Variants in AGBL1 observed in about 807,000 individuals in gnomAD.
AGBL1 encodes the protein AGBL carboxypeptidase 1.
In AGBL1, 130 loss-of-function variants were observed where a neutral mutation model predicts 118.9. The ratio of observed to expected loss-of-function variants is 1.09; its 90% CI spans 0.95 to 1.26. The LOEUF (loss-of-function observed/expected upper bound fraction) is 1.26, where lower values mean the gene tolerates loss of function less well. Among genes scored for constraint, AGBL1 ranks in the 50% most tolerant of loss-of-function variants. AGBL1 has a pLI of 0.00. For missense variants in AGBL1, 1,584 were observed against 1,298.1 expected (o/e 1.22, Z -3.38); for synonymous variants, 555 against 478.9 (o/e 1.16, Z -2.08).
chr15:86,721,550 T>A (rs781297538), intron 22 of AGBL1, among the ~76,000 whole-genome samples: 2 of 152,318 alleles, frequency 1.3e-5, no homozygotes, highest in East Asian at 3.9e-4. Context: ...GCCAATATCA[T>A]ACTGAATGGG....
chr15:86,313,243 G>A (rs1463230559), intron 17 of AGBL1, among the ~76,000 whole-genome samples: 1 of 152,006 alleles, frequency 6.6e-6, no homozygotes, highest in Non-Finnish European at 1.5e-5. Flanking sequence ...AAAATGGAGG[G>A]TTGTAAGTGA....
chr15:86,843,515 GT>G (rs66576960), intron 22 of AGBL1, among the ~76,000 whole-genome samples: 119,117 of 151,528 alleles, frequency 0.79, 47,185 homozygotes, highest in East Asian at 0.98. Context: ...TCAAGACCCC[GT>G]TTTTTTTTGT....
intron 18 of AGBL1, among the ~76,000 whole-genome samples, chr15:86,483,642 A>T (rs750995281): frequency 1.3e-5 from 2 of 152,088 alleles, no homozygotes; most frequent in Non-Finnish European, 2.9e-5. Flanking sequence ...GGAAAAGTTG[A>T]TGATTACTTA....
chr15:86,447,765 A>G (rs536547949), intron 18 of AGBL1, among the ~76,000 whole-genome samples: 2 of 152,334 alleles, frequency 1.3e-5, no homozygotes, highest in Admixed American at 6.5e-5. Flanking sequence ...TCTGGAGTTG[A>G]GAAGGCCAGT....
At chr15:86,861,618 C>G (rs190444322) in intron 22 of AGBL1, among the ~76,000 whole-genome samples, 198 of 152,274 alleles carry the variant, frequency 1.3e-3, no homozygotes, top group African/African-American at 4.5e-3. Context: ...ATGATGTTAT[C>G]TACTTCACAG....
At chr15:86,710,902 G>A (rs899147263) in intron 22 of AGBL1, among the ~76,000 whole-genome samples, 3 of 152,088 alleles carry the variant, frequency 2.0e-5, no homozygotes, top group Non-Finnish European at 2.9e-5. Flanking sequence ...TCAAATTTTG[G>A]ATCTATAAAA....
At chr15:86,584,890 C>A (rs146919013) in intron 21 of AGBL1, among the ~76,000 whole-genome samples, 8 of 151,940 alleles carry the variant, frequency 5.3e-5, no homozygotes, top group Admixed American at 3.9e-4. Flanking sequence ...CTTATAGAGA[C>A]CTTTGACTTC....
At chr15:86,447,441 G>A (rs901504571) in intron 18 of AGBL1, among the ~76,000 whole-genome samples, 1 of 152,214 alleles carries the variant, frequency 6.6e-6, no homozygotes, top group African/African-American at 2.4e-5. Flanking sequence ...AAAGCAGAGA[G>A]GAGAGATGGA....
At chr15:86,359,356 C>G (rs1012696448) in intron 17 of AGBL1, among the ~76,000 whole-genome samples, 1 of 133,646 alleles carries the variant, frequency 7.5e-6, no homozygotes, top group Non-Finnish European at 1.6e-5. Flanking sequence ...TCTGGGCTCT[C>G]TGTTGTATTC....
intron 16 of AGBL1, among the ~76,000 whole-genome samples, chr15:86,284,197 A>T (rs892752744): frequency 6.6e-5 from 10 of 151,186 alleles, no homozygotes; most frequent in African/African-American, 1.9e-4. Context: ...AAAATAAAAA[A>T]AAAAAAACAA....
chr15:87,029,330 A>G (rs1380408509), downstream of AGBL1, among the ~76,000 whole-genome samples: 7 of 151,842 alleles, frequency 4.6e-5, no homozygotes, highest in Non-Finnish European at 1.0e-4. Context: ...CACTTTCTGG[A>G]ACATCCATCA....
chr15:86,566,246 T>A (rs1430154554), intron 21 of AGBL1, among the ~76,000 whole-genome samples: 2 of 152,238 alleles, frequency 1.3e-5, no homozygotes, highest in Non-Finnish European at 2.9e-5. Context: ...AGACTGGAGC[T>A]GTTCCTGTTT....
chr15:86,156,684 T>C (rs1197619117), intron 4 of AGBL1, among the ~76,000 whole-genome samples: 1 of 152,198 alleles, frequency 6.6e-6, no homozygotes, highest in Non-Finnish European at 1.5e-5. Flanking sequence ...TTTGAAATAG[T>C]AGAATGAGTA....
chr15:86,084,383 C>T (rs1567043664), intron 1 of AGBL1, among the ~76,000 whole-genome samples: 1 of 152,190 alleles, frequency 6.6e-6, no homozygotes, highest in East Asian at 1.9e-4. Context: ...TTTACCTCCA[C>T]TACTTAACTT....
chr15:86,113,257 C>CT (rs150495748), intron 1 of AGBL1, among the ~76,000 whole-genome samples: 729 of 39,050 alleles, frequency 0.019, 2 homozygotes, highest in East Asian at 0.037. Context: ...CTTTTCTTTT[C>CT]TTTCTTTCTT....
intron 5 of AGBL1, among the ~76,000 whole-genome samples, chr15:86,177,428 A>G (rs2077496234): frequency 6.6e-6 from 1 of 152,168 alleles, no homozygotes; most frequent in African/African-American, 2.4e-5. Context: ...GATTTAAATA[A>G]CACTATCAAT....
At chr15:86,727,143 G>A (rs746028376) in intron 22 of AGBL1, among the ~76,000 whole-genome samples, 1 of 152,110 alleles carries the variant, frequency 6.6e-6, no homozygotes, top group Non-Finnish European at 1.5e-5. Flanking sequence ...TAAGGCAAAG[G>A]TGCAAAACCT....
At chr15:86,349,564 T>A (rs1302309001) in intron 17 of AGBL1, among the ~76,000 whole-genome samples, 1 of 152,188 alleles carries the variant, frequency 6.6e-6, no homozygotes, top group Non-Finnish European at 1.5e-5. Context: ...CCTCTTTGAT[T>A]CCTTTAATGT....
rs542813337 is a variant in AGBL1, at chr15:86,467,438, C to G, written c.2556-55372C>G. On this transcript the variant is annotated intron_variant, in intron 18 of 22. Transcript: ENST00000614907. ...TGGGGTGAGTTCTCCTGAGCAAGAC[C>G]ATTTGGCTTGCTGACTTCAGCCCCC... Among the ~76,000 whole-genome samples, 29 of 152,316 alleles carry G rather than the reference C, an allele frequency of 1.9e-4. No homozygotes were observed. The South Asian group carries it at 6.0e-3, about 32-fold the overall frequency.
Sources: allele counts gnomAD v4.1 joint callset (sites outside exome capture counted in the v4.1 genomes callset), GRCh38; gene constraint gnomAD v4.1.1; transcripts MANE v1.5; gene names NCBI Gene and HGNC (gene_info 2026-07-23, HGNC 2026-07-21).